GLIS3: variants seen among roughly 807,000 people sequenced by gnomAD.
The protein encoded by GLIS3 is zinc finger protein GLIS3.
A neutral mutation model predicts 78.6 loss-of-function variants in GLIS3; 53 were observed. The observed-to-expected ratio is 0.67, with a 90% CI of 0.54 to 0.85. The LOEUF (loss-of-function observed/expected upper bound fraction) is 0.85. Among genes scored for constraint, GLIS3 ranks in the 40% least tolerant of loss-of-function variants. The probability of loss-of-function intolerance (pLI) is 0.00; values close to 1 mark genes in which losing one functional copy is unlikely to be tolerated. For synonymous variants in GLIS3, 684 were observed against 509.9 expected (o/e 1.34, Z -4.60); for missense variants, 1,703 against 1,231.1 (o/e 1.38, Z -5.74).
At chr9:4,355,648 A>G in the GLIS3 span, among the ~76,000 whole-genome samples, 1 of 152,176 alleles carries the variant, frequency 6.6e-6, no homozygotes, top group Non-Finnish European at 1.5e-5. Context: ...CTTCTTAATC[A>G]TACCCCATCT....
chr9:3,835,600 T>C (rs1294096950), intron 9 of GLIS3, among the ~76,000 whole-genome samples: 2 of 152,226 alleles, frequency 1.3e-5, no homozygotes, highest in Non-Finnish European at 2.9e-5. Context: ...GACTAATGTG[T>C]GTGCTTGCCT....
chr9:4,010,035 C>CG (rs1185954493), intron 4 of GLIS3, among the ~76,000 whole-genome samples: 2 of 152,258 alleles, frequency 1.3e-5, no homozygotes, highest in African/African-American at 2.4e-5. Context: ...TTCATTGTGG[C>CG]GGGGGGCCAG....
chr9:4,290,282 A>G (rs1007404961), intron 1 of GLIS3, among the ~76,000 whole-genome samples: 2 of 152,148 alleles, frequency 1.3e-5, no homozygotes, highest in South Asian at 2.1e-4. Flanking sequence ...CTTACTCTGC[A>G]TAGAAAACCC....
chr9:4,188,891 T>G (rs1038308706), intron 2 of GLIS3, among the ~76,000 whole-genome samples: 8 of 152,186 alleles, frequency 5.3e-5, no homozygotes, highest in African/African-American at 1.9e-4. Flanking sequence ...CTCTCTTTTT[T>G]TCTTTATTAG....
the GLIS3 span, among the ~76,000 whole-genome samples, chr9:4,366,046 G>C: frequency 6.6e-6 from 1 of 152,164 alleles, no homozygotes; most frequent in Admixed American, 6.5e-5. Context: ...AAAATGCTTC[G>C]GTGGTGAACT....
chr9:4,248,302 T>C (rs899403885), intron 2 of GLIS3, among the ~76,000 whole-genome samples: 3 of 152,302 alleles, frequency 2.0e-5, no homozygotes, highest in African/African-American at 7.2e-5. Context: ...TGTGTTCTCA[T>C]TGTTCAACTC....
chr9:4,238,023 T>C (rs1389913554), intron 2 of GLIS3, among the ~76,000 whole-genome samples: 8 of 152,212 alleles, frequency 5.3e-5, no homozygotes, highest in African/African-American at 1.7e-4. Flanking sequence ...AGGAATGTTC[T>C]AGACCAGAAA....
the GLIS3 span, among the ~76,000 whole-genome samples, chr9:4,404,193 C>G: frequency 3.9e-5 from 6 of 152,150 alleles, no homozygotes; most frequent in African/African-American, 1.4e-4. Context: ...TATATATGCA[C>G]CCAACGCTGG....
chr9:4,082,651 A>C (rs996898879), intron 4 of GLIS3, among the ~76,000 whole-genome samples: 4 of 152,156 alleles, frequency 2.6e-5, no homozygotes, highest in African/African-American at 9.7e-5. Flanking sequence ...GATTCACGAA[A>C]CTTTGATCAG....
the GLIS3 span, among the ~76,000 whole-genome samples, chr9:4,401,924 G>A: frequency 6.6e-6 from 1 of 152,180 alleles, no homozygotes. Context: ...AGAGGCAAGA[G>A]CGGGAAGCAC....
the GLIS3 span, among the ~76,000 whole-genome samples, chr9:4,429,039 C>T: frequency 1.3e-5 from 2 of 152,182 alleles, no homozygotes; most frequent in African/African-American, 4.8e-5. Flanking sequence ...AACTGGTCTA[C>T]CCTGCATCCA....
chr9:4,112,086 G>T (rs1169663922), intron 4 of GLIS3, among the ~76,000 whole-genome samples: 2 of 152,160 alleles, frequency 1.3e-5, no homozygotes, highest in African/African-American at 4.8e-5. Flanking sequence ...TGGGAACAGG[G>T]TGACAAATTT....
the GLIS3 span, among the ~76,000 whole-genome samples, chr9:4,446,022 C>T: frequency 6.6e-6 from 1 of 152,112 alleles, no homozygotes; most frequent in Non-Finnish European, 1.5e-5. Flanking sequence ...TGAAATCTCC[C>T]AATTTTTAAA....
At chr9:3,914,539 A>T (rs904462148) in intron 6 of GLIS3, among the ~76,000 whole-genome samples, 1 of 152,160 alleles carries the variant, frequency 6.6e-6, no homozygotes, top group Admixed American at 6.6e-5. Context: ...TCACATTTAT[A>T]TGTTGCCTCT....
intron 2 of GLIS3, among the ~76,000 whole-genome samples, chr9:4,336,346 C>A (rs1219297557): frequency 6.6e-6 from 1 of 152,232 alleles, no homozygotes; most frequent in Non-Finnish European, 1.5e-5. Flanking sequence ...GCTGCTGTAA[C>A]TAGCATTAAA....
At chr9:4,179,909 C>CA (rs5896049) in intron 2 of GLIS3, among the ~76,000 whole-genome samples, 25,632 of 144,432 alleles carry the variant, frequency 0.18, 2,287 homozygotes, top group Middle Eastern at 0.26. Context: ...GACTCTGTCT[C>CA]AAAAAAAAAA....
chr9:4,088,480 T>C (rs1113456), intron 4 of GLIS3, among the ~76,000 whole-genome samples: 27,243 of 152,254 alleles, frequency 0.18, 3,068 homozygotes, highest in African/African-American at 0.32. Flanking sequence ...TTTCCTTATC[T>C]TAAATTGGTC....
intron 6 of GLIS3, among the ~76,000 whole-genome samples, chr9:3,931,865 C>T (rs941333911): frequency 3.3e-5 from 5 of 152,194 alleles, no homozygotes; most frequent in Non-Finnish European, 5.9e-5. Context: ...TGCTTTTTCT[C>T]TAAGCTTAAA....
the GLIS3 span, among the ~76,000 whole-genome samples, chr9:4,396,171 G>A: frequency 1.3e-5 from 2 of 151,218 alleles, no homozygotes; most frequent in African/African-American, 2.4e-5. Flanking sequence ...GTGGTACATT[G>A]GCATGATCTC....
Sources: gnomAD v4.1 joint callset for allele counts (sites outside exome capture counted in the v4.1 genomes callset) on GRCh38, gnomAD v4.1.1 for gene constraint, MANE v1.5 for transcripts, NCBI Gene and HGNC (gene_info 2026-07-23, HGNC 2026-07-21) for gene names.